GRB10: variants seen among roughly 807,000 people sequenced by gnomAD.
GRB10 encodes the protein growth factor receptor bound protein 10, also known as growth factor receptor-bound protein 10.
In GRB10, 20 loss-of-function variants were observed where a neutral mutation model predicts 80.9. That is an observed-to-expected ratio of 0.25 (90% CI 0.17 to 0.36). The LOEUF is 0.36. GRB10 is among the 10% of genes least tolerant of loss of function. GRB10 has a pLI of 1.00. For synonymous variants in GRB10, 291 were observed against 291.5 expected (o/e 1.00, Z 0.02); for missense variants, 548 against 747.7 (o/e 0.73, Z 3.12).
chr7:50,695,153 A>T (rs928852939), intron 5 of GRB10, among the ~76,000 whole-genome samples: 9 of 151,988 alleles, frequency 5.9e-5, no homozygotes, highest in Admixed American at 5.2e-4. Flanking sequence ...AAGATCTACA[A>T]ATATTCTTGG....
At chr7:50,601,972 G>A (rs2047690069) in intron 17 of GRB10, among the ~76,000 whole-genome samples, 1 of 152,182 alleles carries the variant, frequency 6.6e-6, no homozygotes, top group Non-Finnish European at 1.5e-5. Context: ...TGGCCAATGA[G>A]GGGCAAAGTG....
intron 4 of GRB10, among the ~76,000 whole-genome samples, chr7:50,723,342 G>T (rs894712143): frequency 2.6e-5 from 4 of 152,172 alleles, no homozygotes; most frequent in Non-Finnish European, 5.9e-5. Flanking sequence ...TTAAGCCCCG[G>T]CTATGTCTTA....
intron 4 of GRB10, among the ~76,000 whole-genome samples, chr7:50,731,381 C>T (rs986554068): frequency 1.3e-5 from 2 of 150,616 alleles, no homozygotes; most frequent in African/African-American, 4.9e-5. Flanking sequence ...ATCACAGTAG[C>T]TAAAAAGAGA....
intron 12 of GRB10, 59 bp downstream of exon 12, chr7:50,614,711 A>G: frequency 1.0e-6 from 1 of 1,002,710 alleles, no homozygotes; most frequent in Non-Finnish European, 1.6e-6. Context: ...GCAAGAGAAG[A>G]AGTCAGTCTC....
intron 5 of GRB10, among the ~76,000 whole-genome samples, chr7:50,682,725 A>T (rs1370635096): frequency 6.6e-6 from 1 of 152,200 alleles, no homozygotes; most frequent in Non-Finnish European, 1.5e-5. Context: ...CAGAGAGGAA[A>T]GGTGGCCTAA....
chr7:50,740,185 A>G lies in GRB10; in HGVS notation c.-46-7817T>C, dbSNP rs148742415. Among the ~76,000 whole-genome samples the G allele has an allele frequency of 1.2e-3, 178 of 152,294 alleles. 1 individual carries two copies. Among genetic ancestry groups the G allele is most frequent in the African/African-American group, 4.1e-3 (169 of 41,552 alleles). On this transcript the variant is annotated intron_variant, in intron 3 of 18. Coordinates refer to ENST00000401949, the MANE Select transcript of GRB10 (RefSeq NM_001350814.2). ...TCTCTCCCCCAGAACACTGGCCCCCACTTGCCAGTCACTCAGATGACAGTC... is the reference window on the plus strand; with the variant it reads ...TCTCTCCCCCAGAACACTGGCCCCCGCTTGCCAGTCACTCAGATGACAGTC...
chr7:50,651,949 C>T (rs1563298636), intron 7 of GRB10, among the ~76,000 whole-genome samples: 1 of 152,222 alleles, frequency 6.6e-6, no homozygotes, highest in East Asian at 1.9e-4. Context: ...ACCCTGCTGA[C>T]GACCCTCACT....
At chr7:50,728,187 C>G (rs1428438179) in intron 4 of GRB10, among the ~76,000 whole-genome samples, 2 of 143,208 alleles carry the variant, frequency 1.4e-5, no homozygotes, top group African/African-American at 5.3e-5. Flanking sequence ...AAAATGTAGT[C>G]TAATAAAATG....
At chr7:50,749,130 G>GTTTTTTTTTTTTTTTTT (rs71018483) in intron 3 of GRB10, among the ~76,000 whole-genome samples, 1 of 139,542 alleles carries the variant, frequency 7.2e-6, no homozygotes. Flanking sequence ...TTGTTTTTTT[G>GTTTTTTTTTTTTTTTTT]TTTGTTTTTT....
chr7:50,705,504 C>T (rs1050631261), intron 4 of GRB10, among the ~76,000 whole-genome samples: 7 of 152,040 alleles, frequency 4.6e-5, no homozygotes, highest in African/African-American at 1.2e-4. Flanking sequence ...AAAATTAAAA[C>T]GGAACCTCTC....
At chr7:50,756,346 C>T (rs747136721) in intron 2 of GRB10, among the ~76,000 whole-genome samples, 2 of 152,158 alleles carry the variant, frequency 1.3e-5, no homozygotes, top group Admixed American at 6.5e-5. Context: ...CCAAGGCAGG[C>T]GGGGTACAAA....
chr7:50,754,065 G>A (rs969353562), intron 3 of GRB10, among the ~76,000 whole-genome samples: 4 of 152,212 alleles, frequency 2.6e-5, no homozygotes, highest in Non-Finnish European at 4.4e-5. Context: ...AGGGGCAGAC[G>A]GGTCCAAGGA....
At chr7:50,779,983 A>C (rs1232749852) in intron 2 of GRB10, among the ~76,000 whole-genome samples, 1 of 152,168 alleles carries the variant, frequency 6.6e-6, no homozygotes, top group African/African-American at 2.4e-5. Context: ...GGAGGCAGAG[A>C]AAAAAAGGGA....
intron 7 of GRB10, among the ~76,000 whole-genome samples, chr7:50,657,042 A>G (rs1255447436): frequency 6.6e-6 from 1 of 152,218 alleles, no homozygotes; most frequent in Admixed American, 6.5e-5. Context: ...TAAATATGGC[A>G]CAAATCGGTA....
At chr7:50,654,346 CAATA>C (rs1439693822) in intron 7 of GRB10, among the ~76,000 whole-genome samples, 3 of 152,274 alleles carry the variant, frequency 2.0e-5, no homozygotes, top group East Asian at 1.9e-4. Flanking sequence ...CAGTTGATGG[CAATA>C]AATATTCTCC....
At chr7:50,596,265 C>T (rs1348629489) in intron 17 of GRB10, among the ~76,000 whole-genome samples, 3 of 152,140 alleles carry the variant, frequency 2.0e-5, no homozygotes, top group South Asian at 2.1e-4. Flanking sequence ...GAAATCCGGC[C>T]GACAGCATCT....
intron 7 of GRB10, among the ~76,000 whole-genome samples, chr7:50,662,685 A>G (rs902348916): frequency 1.5e-4 from 23 of 152,256 alleles, no homozygotes; most frequent in African/African-American, 4.8e-4. Context: ...TGGTTTCACC[A>G]TATGAAAATA....
At chr7:50,673,831 G>A (rs1203179727) in intron 6 of GRB10, among the ~76,000 whole-genome samples, 3 of 152,120 alleles carry the variant, frequency 2.0e-5, no homozygotes, top group African/African-American at 7.2e-5. Context: ...CATCTCTTCT[G>A]CTCACAAAAC....
intron 7 of GRB10, among the ~76,000 whole-genome samples, chr7:50,658,700 A>G (rs1220696039): frequency 6.6e-6 from 1 of 152,190 alleles, no homozygotes; most frequent in Non-Finnish European, 1.5e-5. Context: ...AGGCCCCTCA[A>G]ATTCAGAGGT....
Sources: gnomAD v4.1 joint callset for allele counts (sites outside exome capture counted in the v4.1 genomes callset) on GRCh38, gnomAD v4.1.1 for gene constraint, MANE v1.5 for transcripts, NCBI Gene and HGNC (gene_info 2026-07-23, HGNC 2026-07-21) for gene names.